GYPC: variants seen among roughly 807,000 people sequenced by gnomAD.
GYPC encodes glycophorin-C.
GYPC carries 14 observed loss-of-function variants against 12.6 expected under a neutral mutation model. The ratio of observed to expected loss-of-function variants is 1.11; its 90% CI spans 0.74 to 1.74. The LOEUF (loss-of-function observed/expected upper bound fraction) is 1.74, where lower values mean the gene tolerates loss of function less well. GYPC is among the 40% of genes most tolerant of loss of function. The pLI, the probability that GYPC is intolerant of heterozygous loss-of-function variation, is 0.00. For synonymous variants in GYPC, 78 were observed against 62.1 expected, an observed-to-expected ratio of 1.26 and a Z score of -1.20; for missense variants, 225 against 172.1, an observed-to-expected ratio of 1.31 and a Z score of -1.72.
intron 1 of GYPC, among the ~76,000 whole-genome samples, chr2:126,663,132 G>A (rs549246425): frequency 6.6e-6 from 1 of 152,276 alleles, no homozygotes; most frequent in South Asian, 2.1e-4. Context: ...CCGACTCCCT[G>A]GTTCAAGCAA....
intron 3 of GYPC, among the ~76,000 whole-genome samples, chr2:126,694,210 C>A (rs111910826): frequency 6.6e-6 from 1 of 152,112 alleles, no homozygotes; most frequent in Admixed American, 6.6e-5. Flanking sequence ...GCTGGAGAGG[C>A]AGCAGTTTTG....
chr2:126,660,746 G>T (rs1053556025), intron 1 of GYPC, among the ~76,000 whole-genome samples: 3 of 152,100 alleles, frequency 2.0e-5, no homozygotes, highest in Non-Finnish European at 2.9e-5. Context: ...CTTCACTCAG[G>T]AGCTCCTGGT....
chr2:126,686,102 A>AC (rs1683281999), intron 1 of GYPC: 1 of 985,348 alleles, frequency 1.0e-6, no homozygotes. Flanking sequence ...AGACCAGCCC[A>AC]CGCAGGAAAA....
chr2:126,675,588 C>T (rs2104786506), intron 1 of GYPC: 1 of 497,238 alleles, frequency 2.0e-6, no homozygotes, highest in South Asian at 8.6e-5. Context: ...CTATTCTAAA[C>T]AATGGGCTCT....
At chr2:126,675,731 C>G in intron 1 of GYPC, 1 of 975,564 alleles carries the variant, frequency 1.0e-6, no homozygotes. Context: ...CCTTCATTGC[C>G]CTTTCCTCAC....
chr2:126,677,174 G>C (rs567912206), intron 1 of GYPC, among the ~76,000 whole-genome samples: 1 of 152,160 alleles, frequency 6.6e-6, no homozygotes, highest in African/African-American at 2.4e-5. Context: ...GGAAAAGTGT[G>C]AGAGGAATGT....
intron 1 of GYPC, 52 bp downstream of exon 1, chr2:126,656,364 C>T: frequency 6.7e-7 from 1 of 1,484,902 alleles, no homozygotes; most frequent in Non-Finnish European, 9.2e-7. Flanking sequence ...AGGCCGCGGC[C>T]CGCAGCAGCC....
intron 1 of GYPC, among the ~76,000 whole-genome samples, chr2:126,658,987 G>T (rs1682448292): frequency 6.6e-6 from 1 of 152,150 alleles, no homozygotes; most frequent in South Asian, 2.1e-4. Flanking sequence ...CTCAGCATTT[G>T]ATTTCTGGGA....
intron 1 of GYPC, among the ~76,000 whole-genome samples, chr2:126,663,898 C>T (rs949751923): frequency 5.5e-4 from 84 of 151,578 alleles, no homozygotes; most frequent in African/African-American, 1.9e-3. Flanking sequence ...TCTCCTTTTT[C>T]CTTCATGCTC....
chr2:126,686,080 C>G, intron 1 of GYPC: 1 of 984,912 alleles, frequency 1.0e-6, no homozygotes, highest in Non-Finnish European at 1.2e-6. Context: ...GGAGATGGGC[C>G]GGGAAATGTA....
Position 126,696,131 on chromosome 2 carries a change from T to G in GYPC, c.376T>G (p.Tyr126Asp). The change falls in exon 4 of 4, where the codon TAC (tyrosine) becomes GAC (aspartate). Residue 126 changes from tyrosine (Y) to aspartate (D), a missense_variant. Transcript: ENST00000259254. ...QDAGDSSRKEYFI is the reference protein window; with the variant it reads ...QDAGDSSRKEDFI ...TGCTGGTGATAGCAGCAGAAAGGAG[T>G]ACTTTATTTGAGGGACAACAGACTT... 6.2e-7 allele frequency: 1 copy of G among 1,611,674 alleles called. No individual in the cohort carries two copies. The highest frequency in any genetic ancestry group is 1.7e-5 in the Admixed American group (1 of 59,912).
chr2:126,695,922 C>A (rs375129443), intron 3 of GYPC, 24 bp from the exon 4 acceptor site: 2 of 1,607,358 alleles, frequency 1.2e-6, no homozygotes, highest in Non-Finnish European at 1.7e-6. Context: ...TCAGACTGAC[C>A]CTTGCACCTC....
intron 1 of GYPC, among the ~76,000 whole-genome samples, chr2:126,656,650 C>T (rs1427076043): frequency 6.6e-6 from 1 of 152,238 alleles, no homozygotes; most frequent in Non-Finnish European, 1.5e-5. Context: ...AATTGTCTCC[C>T]TAAAGAACAG....
chr2:126,658,749 T>C (rs1322154369), intron 1 of GYPC: 2 of 152,256 alleles, frequency 1.3e-5, no homozygotes, highest in African/African-American at 2.4e-5. Context: ...TTTTACATAA[T>C]AAAAATGCAT....
intron 3 of GYPC, among the ~76,000 whole-genome samples, chr2:126,694,585 C>T (rs1305117211): frequency 2.0e-5 from 3 of 152,250 alleles, no homozygotes; most frequent in Admixed American, 6.5e-5. Context: ...ACCTGTTGGA[C>T]TCTGTGTAAC....
chr2:126,687,003 G>A (rs552455064), intron 1 of GYPC, among the ~76,000 whole-genome samples: 29 of 152,258 alleles, frequency 1.9e-4, no homozygotes, highest in African/African-American at 6.5e-4. Flanking sequence ...CTGGATCTGA[G>A]CTCACTCAGC....
chr2:126,694,581 T>G (rs1465596170), intron 3 of GYPC, among the ~76,000 whole-genome samples: 1 of 152,144 alleles, frequency 6.6e-6, no homozygotes, highest in African/African-American at 2.4e-5. Context: ...AGACACCTGT[T>G]GGACTCTGTG....
rs531792797 is a variant in GYPC, at chr2:126,666,240, AC to A, written c.49+9929del. 9.9e-5 allele frequency among the ~76,000 whole-genome samples: 15 copies of A among 152,274 alleles called. No individual in the cohort carries two copies. The South Asian group carries it at 3.1e-3, about 32-fold the overall frequency. On this transcript the variant is annotated intron_variant, in intron 1 of 3. Coordinates refer to ENST00000259254, the MANE Select transcript of GYPC (RefSeq NM_002101.5). ...TGGGCAGCTGCCTCCCAAGGTCACT[AC>A]AGGGGCACTGGGAGAGAATAATGCC...
chr2:126,682,459 C>A (rs1454199019), intron 1 of GYPC, among the ~76,000 whole-genome samples: 2 of 152,180 alleles, frequency 1.3e-5, no homozygotes, highest in African/African-American at 4.8e-5. Flanking sequence ...GGAATAGATT[C>A]TCCGAGTCCT....
Sources: allele counts gnomAD v4.1 joint callset (sites outside exome capture counted in the v4.1 genomes callset), GRCh38; gene constraint gnomAD v4.1.1; transcripts MANE v1.5; gene names NCBI Gene and HGNC (gene_info 2026-07-23, HGNC 2026-07-21).